Variants in BLTP1 observed in about 807,000 individuals in gnomAD.
BLTP1 encodes bridge-like lipid transfer protein family member 1, also known as fragile site-associated protein.
At chr4:122,171,636 C>T in the BLTP1 span, among the ~76,000 whole-genome samples, 16 of 112,482 alleles carry the variant, frequency 1.4e-4, no homozygotes, top group African/African-American at 5.0e-4. Context: ...ATATGGGTTA[C>T]ACAGGTTTTT....
chr4:122,167,870 A>C, the BLTP1 span: 1 of 985,278 alleles, frequency 1.0e-6, no homozygotes, highest in African/African-American at 1.7e-5. Context: ...AGGAAGAGGA[A>C]ACAACCAGTT....
chr4:122,304,752 G>A, the BLTP1 span: 1 of 1,600,580 alleles, frequency 6.2e-7, no homozygotes, highest in Non-Finnish European at 8.5e-7. Flanking sequence ...GGTATATGTT[G>A]TTGATTTAAG....
chr4:122,189,750 A>C, the BLTP1 span: 5 of 876,580 alleles, frequency 5.7e-6, no homozygotes, highest in Non-Finnish European at 5.5e-6. Context: ...TTTCTTCTTG[A>C]AGTAATTTAC....
the BLTP1 span, chr4:122,170,279 T>C: frequency 1.2e-6 from 1 of 852,118 alleles, no homozygotes; most frequent in Non-Finnish European, 1.4e-6. Context: ...CACTCCAGCC[T>C]GGGCAACAAC....
At chr4:122,181,189 T>G in the BLTP1 span, 1 of 558,504 alleles carries the variant, frequency 1.8e-6, no homozygotes. Flanking sequence ...ACTAATTTTA[T>G]AACCTAGGGA....
chr4:122,352,606 C>T, the BLTP1 span, among the ~76,000 whole-genome samples: 3,539 of 152,226 alleles, frequency 0.023, 86 homozygotes, highest in East Asian at 0.095. Flanking sequence ...ATGATCCACC[C>T]GCTACGGCTT....
chr4:122,267,996 C>G, the BLTP1 span, among the ~76,000 whole-genome samples: 7,131 of 151,946 alleles, frequency 0.047, 236 homozygotes, highest in East Asian at 0.14. Context: ...TGAAATATTT[C>G]TATTTAAATT....
the BLTP1 span, chr4:122,356,684 T>C: frequency 6.2e-7 from 1 of 1,613,894 alleles, no homozygotes; most frequent in Non-Finnish European, 8.5e-7. Flanking sequence ...CACATTTGTG[T>C]GACTATGGAT....
At chr4:122,321,022 A>T in the BLTP1 span, among the ~76,000 whole-genome samples, 1 of 139,800 alleles carries the variant, frequency 7.2e-6, no homozygotes. Flanking sequence ...TGCCCTAGAG[A>T]CTGCAGTCTA....
the BLTP1 span, chr4:122,343,390 A>G: frequency 3.1e-6 from 5 of 1,609,256 alleles, no homozygotes; most frequent in South Asian, 2.2e-5. Context: ...TATATTTTCA[A>G]TTTCCTGTGC....
At chr4:122,227,533 C>T in the BLTP1 span, 7 of 930,962 alleles carry the variant, frequency 7.5e-6, no homozygotes, top group African/African-American at 1.2e-4. Flanking sequence ...AAATAACTTA[C>T]CCTGGTTCTA....
chr4:122,209,310 C>A, the BLTP1 span: 2 of 1,611,810 alleles, frequency 1.2e-6, no homozygotes, highest in Non-Finnish European at 1.7e-6. Flanking sequence ...ACAGTTAAAC[C>A]AAAATGGCGC....
At chr4:122,278,098 T>A in the BLTP1 span, among the ~76,000 whole-genome samples, 11 of 151,686 alleles carry the variant, frequency 7.3e-5, no homozygotes, top group African/African-American at 2.7e-4. Context: ...TATAAACACA[T>A]AAAAATTTTT....
chr4:122,245,099 A>G, the BLTP1 span: 2 of 1,611,268 alleles, frequency 1.2e-6, no homozygotes, highest in Non-Finnish European at 1.7e-6. Flanking sequence ...TAAAGTCCTC[A>G]GGGAAGCTGT....
At chr4:122,331,277 A>C in the BLTP1 span, 1 of 1,541,238 alleles carries the variant, frequency 6.5e-7, no homozygotes, top group Non-Finnish European at 8.7e-7. Flanking sequence ...GTTTGTTAAA[A>C]AGAACTCTCA....
chr4:122,232,790 C>T, the BLTP1 span, among the ~76,000 whole-genome samples: 1 of 152,116 alleles, frequency 6.6e-6, no homozygotes, highest in Non-Finnish European at 1.5e-5. Flanking sequence ...GCTCCCAACA[C>T]AACCCTGTGA....
chr4:122,328,101 C>A, the BLTP1 span: 1 of 1,505,984 alleles, frequency 6.6e-7, no homozygotes, highest in Non-Finnish European at 9.0e-7. Flanking sequence ...TTTTTACAAT[C>A]AGTTTCCAGA....
chr4:122,209,072 T>A, the BLTP1 span: 2 of 1,254,400 alleles, frequency 1.6e-6, no homozygotes, highest in South Asian at 6.7e-5. Flanking sequence ...ATTTCCAAGA[T>A]TGTTGTAGAC....
the BLTP1 span, among the ~76,000 whole-genome samples, chr4:122,283,227 G>T: frequency 6.6e-6 from 1 of 151,874 alleles, no homozygotes; most frequent in African/African-American, 2.4e-5. Flanking sequence ...ATTGTTCTTA[G>T]ATTTGGCATG....
Sources: allele counts gnomAD v4.1 joint callset (sites outside exome capture counted in the v4.1 genomes callset), GRCh38; gene constraint gnomAD v4.1.1; transcripts MANE v1.5; gene names NCBI Gene and HGNC (gene_info 2026-07-23, HGNC 2026-07-21).